Variants in TEX26 observed in about 807,000 individuals in gnomAD.
TEX26 encodes testis expressed 26.
TEX26 carries 34 observed loss-of-function variants against 35.3 expected under a neutral mutation model. The ratio of observed to expected loss-of-function variants is 0.96; its 90% CI spans 0.73 to 1.28. The LOEUF is 1.28. TEX26 is among the 50% of genes most tolerant of loss of function. The pLI is 0.00. For missense variants in TEX26, 371 were observed against 330.1 expected (o/e 1.12, Z -0.96); for synonymous variants, 136 against 111.8 (o/e 1.22, Z -1.36).
intron 2 of TEX26, among the ~76,000 whole-genome samples, chr13:30,940,398 A>T (rs1953443664): frequency 8.1e-6 from 1 of 124,014 alleles, no homozygotes; most frequent in South Asian, 2.7e-4. Flanking sequence ...CAGTGGTACG[A>T]TCTCGGCTCA....
chr13:30,971,192 T>G (rs1270340397), intron 6 of TEX26, among the ~76,000 whole-genome samples: 1 of 152,234 alleles, frequency 6.6e-6, no homozygotes, highest in Admixed American at 6.5e-5. Flanking sequence ...TGAATTCTTG[T>G]GCCCAAAACC....
rs748860356 is a variant in TEX26 at position 30,966,343 on chromosome 13, T to C, written c.591T>C (p.Asp197=). The C allele has an allele frequency of 6.2e-7, 1 of 1,614,102 alleles. No homozygotes were observed. Among genetic ancestry groups the C allele is most frequent in the Non-Finnish European group, 8.5e-7 (1 of 1,180,016 alleles). The part of the protein sequence containing the change: ...QIPAKIPELQ[D]FSFKYGCYSS... ...CAGCTAAAATTCCTGAGCTTCAAGA[T>C]TTCAGTTTCAAATATGGATGCTACT... Residue 197 remains aspartate (D), a synonymous_variant, in exon 5 of 7, where the codon GAT becomes GAC. Transcript: ENST00000380473.
At position 30,974,842 on chromosome 13, in the gene TEX26, T is replaced by C; in HGVS notation, c.809-4T>C. Reference sequence around the variant, plus strand: ...TTCATCCTGTTTTTCTTCATACTTTTCAGATAGACAAATTATTGATCGCTT... The same window carrying C: ...TTCATCCTGTTTTTCTTCATACTTTCCAGATAGACAAATTATTGATCGCTT... On this transcript the variant is annotated splice_region_variant and splice_polypyrimidine_tract_variant and intron_variant, in intron 6 of 6. Transcript: ENST00000380473. 1 of 1,553,858 alleles carries C rather than the reference T, an allele frequency of 6.4e-7. No homozygotes were observed. The highest frequency in any genetic ancestry group is 8.6e-7 in the Non-Finnish European group (1 of 1,156,212).
intron 2 of TEX26, among the ~76,000 whole-genome samples, chr13:30,945,338 C>T (rs759761237): frequency 2.0e-5 from 3 of 151,406 alleles, no homozygotes; most frequent in African/African-American, 7.3e-5. Flanking sequence ...TATATGAATC[C>T]TTATGTTTTA....
intron 6 of TEX26, among the ~76,000 whole-genome samples, chr13:30,974,131 A>AAAAATATATAT: frequency 0.018 from 1,551 of 84,248 alleles, 28 homozygotes; most frequent in Middle Eastern, 0.044. Flanking sequence ...AAAAAAAAAA[A>AAAAATATATAT]ATATATATAT....
rs1476948417 is a variant in TEX26 at position 30,975,367 on chromosome 13, G to T, written c.*460G>T. On this transcript the variant is annotated 3_prime_UTR_variant, in exon 7 of 7. Transcript: ENST00000380473. ...CATTAATCAAGTATATGATTAATTT[G>T]TGTGTTACGTGAATATGAGAAAAAA... The T allele has an allele frequency of 6.6e-6, 1 of 152,170 alleles. No homozygotes were observed. Among genetic ancestry groups the T allele is most frequent in the Non-Finnish European group, 1.5e-5 (1 of 68,052 alleles). The allele number at this position is 152,170 out of a possible 1,614,324, so 9.4% of individuals were successfully genotyped here.
At chr13:30,947,510 C>A (rs548787294) in intron 2 of TEX26, among the ~76,000 whole-genome samples, 1 of 152,036 alleles carries the variant, frequency 6.6e-6, no homozygotes, top group African/African-American at 2.4e-5. Flanking sequence ...CAACTTGGTT[C>A]GGTACTCCTT....
chr13:30,941,759 A>G (rs1299571648), intron 2 of TEX26, among the ~76,000 whole-genome samples: 1 of 152,108 alleles, frequency 6.6e-6, no homozygotes, highest in African/African-American at 2.4e-5. Context: ...TTGGTTTTCC[A>G]TTCCTGCATT....
chr13:30,936,972 G>A, intron 1 of TEX26: 2 of 985,282 alleles, frequency 2.0e-6, no homozygotes, highest in African/African-American at 1.7e-5. Flanking sequence ...TGTCAATGGA[G>A]GTAAAAAGCA....
At chr13:30,973,349 A>G (rs1176682622) in intron 6 of TEX26, 1 of 152,232 alleles carries the variant, frequency 6.6e-6, no homozygotes, top group Admixed American at 6.5e-5. Flanking sequence ...GATGAAAGAA[A>G]CCAGAACAGT....
At chr13:30,953,202 C>T (rs1000512982) in intron 3 of TEX26, among the ~76,000 whole-genome samples, 2 of 152,114 alleles carry the variant, frequency 1.3e-5, no homozygotes, top group African/African-American at 4.8e-5. Flanking sequence ...GCAATTACCC[C>T]CGACTCCACT....
chr13:30,937,845 T>G (rs188400137), intron 1 of TEX26, among the ~76,000 whole-genome samples: 5 of 152,258 alleles, frequency 3.3e-5, no homozygotes, highest in Non-Finnish European at 7.4e-5. Flanking sequence ...AGATCCTGAT[T>G]GGAAATGAGA....
chr13:30,968,417 A>G (rs1325918612), intron 5 of TEX26, among the ~76,000 whole-genome samples: 1 of 152,236 alleles, frequency 6.6e-6, no homozygotes, highest in Non-Finnish European at 1.5e-5. Context: ...AGGCTTCATC[A>G]GTGCAGATTC....
chr13:30,936,623 C>T lies in TEX26; in HGVS notation c.62-3071C>T, dbSNP rs368379109. 2.7e-5 allele frequency: 25 copies of T among 937,764 alleles called. No homozygotes were observed. The East Asian group carries it at 3.5e-4, about 13-fold the overall frequency. 58.1% of individuals were successfully genotyped at this position (937,764 alleles called of 1,614,324 possible). ...ATCAGCACCACATTAAACTTGTGCT[C>T]ATAGGATACATAGCTCATCTCTTGG... is the stretch of plus-strand genomic sequence containing the variant. On this transcript the variant is annotated intron_variant, in intron 1 of 6. Coordinates refer to ENST00000380473, the MANE Select transcript of TEX26 (RefSeq NM_152325.3).
At position 30,932,811 on chromosome 13, in the gene TEX26, G is replaced by T. The variant is rs374428913; in HGVS notation, c.61+35G>T. On this transcript the variant is annotated intron_variant, in intron 1 of 6. Coordinates refer to ENST00000380473, the MANE Select transcript of TEX26 (RefSeq NM_152325.3). ...CAGACTCTGCCGGTCTGCGGGGCGG[G>T]GCTGGGGTCTTTCCCGGGGAAAGGG... 7 of 1,606,228 alleles carry T rather than the reference G, an allele frequency of 4.4e-6. No individual in the cohort carries two copies. In the African/African-American group the frequency reaches 6.7e-5, roughly 15 times the overall value.
chr13:30,940,619 C>G (rs1953458367), intron 2 of TEX26, among the ~76,000 whole-genome samples: 1 of 152,140 alleles, frequency 6.6e-6, no homozygotes, highest in Non-Finnish European at 1.5e-5. Flanking sequence ...AGGCGTGAGC[C>G]ACCACATCCG....
chr13:30,952,279 T>C (rs778061371), intron 2 of TEX26, among the ~76,000 whole-genome samples: 7 of 152,114 alleles, frequency 4.6e-5, no homozygotes, highest in Non-Finnish European at 1.0e-4. Context: ...AAACTAGTGA[T>C]ATTTCAATTC....
intron 2 of TEX26, among the ~76,000 whole-genome samples, chr13:30,951,371 A>AT (rs1953915207): frequency 7.0e-6 from 1 of 142,828 alleles, no homozygotes; most frequent in South Asian, 2.2e-4. Flanking sequence ...AAAAAAAAAA[A>AT]GCTATTTGTG....
chr13:30,934,088 TC>T (rs1418254198), intron 1 of TEX26, among the ~76,000 whole-genome samples: 1 of 152,232 alleles, frequency 6.6e-6, no homozygotes, highest in African/African-American at 2.4e-5. Context: ...CTCCTTGTCC[TC>T]CTCAAACCTT....
Sources: gnomAD v4.1 joint callset for allele counts (sites outside exome capture counted in the v4.1 genomes callset) on GRCh38, gnomAD v4.1.1 for gene constraint, MANE v1.5 for transcripts, NCBI Gene and HGNC (gene_info 2026-07-23, HGNC 2026-07-21) for gene names.